The following KMT2D variants were observed in gnomAD, a reference collection of about 807,000 sequenced individuals.
KMT2D encodes lysine methyltransferase 2D.
In KMT2D, 55 loss-of-function variants were observed where a neutral mutation model predicts 512.7. The ratio of observed to expected loss-of-function variants is 0.11; its 90% CI spans 0.09 to 0.13. The LOEUF is 0.13. Ranked by LOEUF, KMT2D falls within the 10% of genes least tolerant of loss-of-function variation. The pLI is 1.00. For missense variants in KMT2D, 6,061 were observed against 7,127.9 expected, an observed-to-expected ratio of 0.85 and a Z score of 5.39; for synonymous variants, 2,995 against 2,904.0, an observed-to-expected ratio of 1.03 and a Z score of -1.01.
rs2120433347 is a variant in KMT2D, at chr12:49,032,655, G to A, written c.12050C>T (p.Pro4017Leu). 6.2e-7 allele frequency: 1 copy of A among 1,613,966 alleles called. No homozygotes were observed. Among genetic ancestry groups the A allele is most frequent in the Non-Finnish European group, 8.5e-7 (1 of 1,179,884 alleles). ...TTCCTTGCCCGTCAGGAGGAGGGTT[G>A]GACCCAGGGCTCCAGGGCTAGAAAA... ...QHFSSPGALG[P>L]TLLLTGKEQN... is the part of the protein sequence containing the mutation. The change falls in exon 40 of 55, where the codon CCA (proline) becomes CTA (leucine). Residue 4017 changes from proline (P) to leucine (L), a missense_variant. Pro to Leu is a moderately conservative substitution (Grantham distance 98). Around this residue, in one of 16 missense-constraint regions of KMT2D, gnomAD observed 1,600 missense variants for 1,754.9 expected, o/e 0.91. Transcript: ENST00000301067.
In KMT2D at chr12:49,058,664, A is replaced by T. The variant is rs571055915; in HGVS notation, c.-38+949T>A. Among the ~76,000 whole-genome samples the T allele has an allele frequency of 3.3e-4, 50 of 152,314 alleles. 1 individual carries two copies. In the South Asian group the frequency reaches 0.01, roughly 32 times the overall value. On this transcript the variant is annotated intron_variant, in intron 1 of 54. Transcript: ENST00000301067. ...ATCAAGCAATTTCTCCTCCAGAGAGACACAGGCCACCCCATTCTGCACAGT... is the reference window on the plus strand; with the variant it reads ...ATCAAGCAATTTCTCCTCCAGAGAGTCACAGGCCACCCCATTCTGCACAGT...
At chr12:49,047,456 A>AGGCTGGAG (rs1007688959) in intron 15 of KMT2D, among the ~76,000 whole-genome samples, 2 of 118,576 alleles carry the variant, frequency 1.7e-5, no homozygotes, top group African/African-American at 6.8e-5. Flanking sequence ...TCTGTTGCCC[A>AGGCTGGAG]GGCTGGAGTG....
Position 49,037,121 on chromosome 12 carries a change from T to A in KMT2D, c.10231+4A>T, listed in dbSNP as rs1386540222. 6.4e-7 allele frequency: 1 copy of A among 1,560,410 alleles called. No individual in the cohort carries two copies. The highest frequency in any genetic ancestry group is 1.2e-5 in the South Asian group (1 of 82,878). On this transcript the variant is annotated splice_donor_region_variant and intron_variant, in intron 35 of 54. Coordinates refer to ENST00000301067, the MANE Select transcript of KMT2D (RefSeq NM_003482.4). ...AACTTGGCTATGTTACCAGCTGAGG[T>A]TACCTGTATCTGGGAAGAAGCTGTT...
rs1263016051 is a variant in KMT2D, at chr12:49,026,228, G to A, written c.15738C>T (p.Ile5246=). 8 of 1,600,524 alleles carry A rather than the reference G, an allele frequency of 5.0e-6. No homozygotes were observed. Among genetic ancestry groups the A allele is most frequent in the East Asian group, 2.2e-5 (1 of 44,506 alleles). ...AGACCAGGTCCTCCAGGCCCTGCTCGATGACTTTGATTACAAACTCCGGCC... is the reference window on the plus strand; with the variant it reads ...AGACCAGGTCCTCCAGGCCCTGCTCAATGACTTTGATTACAAACTCCGGCC... ...NGRPEFVIKV[I]EQGLEDLVFT... The change falls in exon 49 of 55, where the codon ATC becomes ATT. Residue 5246 remains isoleucine, a synonymous_variant. Coordinates refer to ENST00000301067, the MANE Select transcript of KMT2D (RefSeq NM_003482.4). This position sits in a 1 kb window ranked among gnomAD's most constrained non-coding sequence, Gnocchi z 9.6.
Position 49,051,149 on chromosome 12 carries a change from C to T in KMT2D, c.2534G>A (p.Arg845Gln), listed in dbSNP as rs201392255. The part of the protein sequence containing the change: ...PQSEEPCLSP[R>Q]PEESHLSPEL... ...AGGGGACAGATGCGATTCCTCAGGC[C>T]GGGGGGACAGGCATGGCTCCTCAGA... Residue 845 changes from arginine (R) to glutamine (Q), a missense_variant, in exon 11 of 55, where the codon CGG becomes CAG. Physicochemically the swap from Arg to Gln is conservative, Grantham distance 43 (BLOSUM62 1). This residue lies in a region of KMT2D where 848 missense variants were observed against 838.5 expected (regional missense o/e 1.01). Transcript: ENST00000301067. 2.9e-5 allele frequency: 44 copies of T among 1,508,428 alleles called. No individual in the cohort carries two copies. The highest frequency in any genetic ancestry group is 4.6e-5 in the East Asian group (2 of 43,724). 93.4% of individuals were successfully genotyped at this position (1,508,428 alleles called of 1,614,324 possible).
rs1942213129 is a variant in KMT2D, at chr12:49,019,760, A to C, written c.*2020T>G. On this transcript the variant is annotated 3_prime_UTR_variant, in exon 55 of 55. Transcript: ENST00000301067. ...TGGGAGTGGGGGCTGTTATTCTCTT[A>C]AACATTTGCAGCTTGAAACAGTTGA... is the stretch of plus-strand genomic sequence containing the variant. 1 of 232,690 alleles carries C rather than the reference A, an allele frequency of 4.3e-6. No individual in the cohort carries two copies. The highest frequency in any genetic ancestry group is 8.5e-6 in the Non-Finnish European group (1 of 117,550). The allele number at this position is 232,690 out of a possible 1,614,324, so 14.4% of individuals were successfully genotyped here. A position where few individuals can be genotyped will look rare whatever the true frequency, so the allele number is the denominator to read the frequency against.
chr12:49,035,046 G>T, intron 35 of KMT2D, 111 bp from the exon 36 acceptor site: 1 of 1,347,874 alleles, frequency 7.4e-7, no homozygotes, highest in Non-Finnish European at 1.0e-6. Context: ...ACAATGGCAC[G>T]GCAAGGCAGA....
rs1943073751 is a variant in KMT2D, at chr12:49,033,759, C to A, written c.10946G>T (p.Gly3649Val). ...CAGGCGAAGACCTCCGGCTTGCCCA[C>A]CCGGAGGCCCCTGTGGTGGCTGCAG... ...HGLQPPQGPP[G>V]GQAGGLRLTP... is the part of the protein sequence containing the mutation. Residue 3649 changes from glycine (G) to valine (V), a missense_variant, in exon 40 of 55, where the codon GGT becomes GTT. Coordinates refer to ENST00000301067, the MANE Select transcript of KMT2D (RefSeq NM_003482.4). 1.1e-5 allele frequency: 18 copies of A among 1,611,742 alleles called. No homozygotes were observed. In the South Asian group the frequency reaches 1.7e-4, roughly 15 times the overall value.
chr12:49,045,820 C>T, intron 19 of KMT2D, 100 bp downstream of exon 19: 8 of 1,050,552 alleles, frequency 7.6e-6, no homozygotes, highest in Non-Finnish European at 1.2e-5. Context: ...TCTGAGTTTC[C>T]TCCTCTTAAA....
rs548054572 is a variant in KMT2D at position 49,046,802 on chromosome 12, G to T, written c.4237-12C>A. 2 of 1,608,040 alleles carry T rather than the reference G, an allele frequency of 1.2e-6. No individual in the cohort carries two copies. Among genetic ancestry groups the T allele is most frequent in the South Asian group, 2.2e-5 (2 of 90,634 alleles). ...ATCACCTTGGTGATCTGGGGCAGAA[G>T]ATGGGAACTTCTCAGGGTGTGAGGT... On this transcript the variant is annotated splice_polypyrimidine_tract_variant and intron_variant, in intron 15 of 54. Transcript: ENST00000301067. The surrounding 1 kb of genome is among the most constrained non-coding windows in gnomAD (Gnocchi z 4.2).
At position 49,026,445 on chromosome 12, in the gene KMT2D, C is replaced by T. The variant is rs1942593563; in HGVS notation, c.15521G>A (p.Arg5174Gln). The change falls in exon 49 of 55, where the codon CGG becomes CAG. Residue 5174 changes from arginine to glutamine, a missense_variant. Around this residue, in one of 16 missense-constraint regions of KMT2D, gnomAD observed 261 missense variants for 440.7 expected, o/e 0.59. Transcript: ENST00000301067. This position sits in a 1 kb window ranked among gnomAD's most constrained non-coding sequence, Gnocchi z 9.6. ...QIASIIQRGE[R>Q]LHMFRVGGLV... ...GCCCCCCACACGGAACATGTGCAGC[C>T]GTTCTCCCCGCTGAATGATGCTAGC... 2.5e-6 allele frequency: 4 copies of T among 1,613,988 alleles called. No homozygotes were observed. The highest frequency in any genetic ancestry group is 1.1e-5 in the South Asian group (1 of 91,088).
At chr12:49,028,240 C>T in intron 46 of KMT2D, 99 bp from the exon 47 acceptor site, 5 of 1,450,436 alleles carry the variant, frequency 3.4e-6, no homozygotes, top group African/African-American at 1.4e-5. Flanking sequence ...CTAGAACCCA[C>T]TCCCCAGGGT....
At position 49,046,288 on chromosome 12, in the gene KMT2D, G is replaced by A. The variant is rs2120603853; in HGVS notation, c.4555C>T (p.Leu1519=). The A allele has an allele frequency of 6.2e-7, 1 of 1,613,982 alleles. No homozygotes were observed. The highest frequency in any genetic ancestry group is 8.5e-7 in the Non-Finnish European group (1 of 1,179,882). ...TCACAGTGGCGGCACTGGATTAGTA[G>A]GTCCTCTTCTACGTAAGGAGCATGA... ...ICHAPYVEED[L]LIQCRHCERW... The change falls in exon 17 of 55, where the codon CTA becomes TTA. Residue 1519 remains leucine, a synonymous_variant. Transcript: ENST00000301067. The surrounding 1 kb of genome is among the most constrained non-coding windows in gnomAD (Gnocchi z 4.2).
rs751075517 is a variant in KMT2D at position 49,037,400 on chromosome 12, C to A, written c.9956G>T (p.Gly3319Val). Residue 3319 changes from glycine to valine, a missense_variant, in exon 35 of 55, where the codon GGT (glycine) becomes GTT (valine). Gly to Val is a moderately radical substitution (Grantham distance 109). Around this residue, in one of 16 missense-constraint regions of KMT2D, gnomAD observed 533 missense variants for 539.6 expected, o/e 0.99. Transcript: ENST00000301067. ...CTGGGGCAAACCTGGCTGTCGGGCACCTGCAAGACCCAGGGAAAGCTGCTG... is the reference window on the plus strand; with the variant it reads ...CTGGGGCAAACCTGGCTGTCGGGCAACTGCAAGACCCAGGGAAAGCTGCTG... Reference protein sequence around the residue: ...SQQQLSLGLAGARQPGLPQPL... With the variant: ...SQQQLSLGLAVARQPGLPQPL... The A allele has an allele frequency of 3.1e-6, 5 of 1,605,338 alleles. No homozygotes were observed. The highest frequency in any genetic ancestry group is 1.7e-5 in the Admixed American group (1 of 58,580).
At position 49,040,847 on chromosome 12, in the gene KMT2D, T is replaced by C. The variant is rs1197976316; in HGVS notation, c.6923A>G (p.Asp2308Gly). The change falls in exon 32 of 55, where the codon GAC becomes GGC. Residue 2308 changes from aspartate (D) to glycine (G), a missense_variant. This residue lies in a region of KMT2D where 710 missense variants were observed against 647.3 expected (regional missense o/e 1.10). Coordinates refer to ENST00000301067, the MANE Select transcript of KMT2D (RefSeq NM_003482.4). The part of the protein sequence containing the change: ...SYGPPNLGFV[D>G]SPSSGTHLGG... ...CAGGTGGGTGCCTGAGGAGGGTGAG[T>C]CAACAAAGCCCAGGTTTGGGGGCCC... 1.2e-6 allele frequency: 2 copies of C among 1,613,244 alleles called. No individual in the cohort carries two copies. Among genetic ancestry groups the C allele is most frequent in the Non-Finnish European group, 8.5e-7 (1 of 1,179,610 alleles).
rs375843343 is a variant in KMT2D at position 49,037,250 on chromosome 12, G to T, written c.10106C>A (p.Pro3369His). The change falls in exon 35 of 55, where the codon CCC becomes CAC. Residue 3369 changes from proline to histidine, a missense_variant. By Grantham distance (77) the Pro-to-His change is moderately conservative. This residue lies in a region of KMT2D where 533 missense variants were observed against 539.6 expected (regional missense o/e 0.99). Transcript: ENST00000301067. ...GQHGGQAGLVPQQSSQPVLSQ... is the reference protein window; with the variant it reads ...GQHGGQAGLVHQQSSQPVLSQ... ...TAGCACTGGCTGTGAGCTCTGCTGGGGTACCAAGCCTGCCTGCCCTCCATG... is the reference window on the plus strand; with the variant it reads ...TAGCACTGGCTGTGAGCTCTGCTGGTGTACCAAGCCTGCCTGCCCTCCATG... 8 of 1,613,548 alleles carry T rather than the reference G, an allele frequency of 5.0e-6. No homozygotes were observed. The highest frequency in any genetic ancestry group is 6.8e-6 in the Non-Finnish European group (8 of 1,179,846).
rs970061739 is a variant in KMT2D, at chr12:49,038,051, G to C, written c.9305C>G (p.Pro3102Arg). 2 of 1,612,298 alleles carry C rather than the reference G, an allele frequency of 1.2e-6. No homozygotes were observed. Among genetic ancestry groups the C allele is most frequent in the Non-Finnish European group, 8.5e-7 (1 of 1,179,362 alleles). The change falls in exon 35 of 55, where the codon CCT becomes CGT. Residue 3102 changes from proline to arginine, a missense_variant. By Grantham distance (103) the Pro-to-Arg change is moderately radical. Around this residue, in one of 16 missense-constraint regions of KMT2D, gnomAD observed 533 missense variants for 539.6 expected, o/e 0.99. Coordinates refer to ENST00000301067, the MANE Select transcript of KMT2D (RefSeq NM_003482.4). The surrounding 1 kb of genome is among the most constrained non-coding windows in gnomAD (Gnocchi z 5.7). ...GCGGGGTTCAGAGGCATCAGCAGCAGGGGGAGGGCGCTCCTCAGGGCCCAA... is the reference window on the plus strand; with the variant it reads ...GCGGGGTTCAGAGGCATCAGCAGCACGGGGAGGGCGCTCCTCAGGGCCCAA... ...GPLGPEERPPPAADASEPRLA... is the reference protein window; with the variant it reads ...GPLGPEERPPRAADASEPRLA...
rs529656123 is a variant in KMT2D at position 49,027,219 on chromosome 12, G to A, written c.14747C>T (p.Pro4916Leu). ...AGAAGGTGCCAAGGGGGAAGGGGGC[G>A]GGGAGGGTTCTTCAGGAGGTGGGGC... ...LSAPPPEEPS[P>L]PPSPLAPSPA... Residue 4916 changes from proline to leucine, a missense_variant, in exon 49 of 55, where the codon CCG becomes CTG. Physicochemically the swap from Pro to Leu is moderately conservative, Grantham distance 98. Transcript: ENST00000301067. The A allele has an allele frequency of 1.7e-5, 26 of 1,546,304 alleles. No homozygotes were observed. In the East Asian group the frequency reaches 2.5e-4, roughly 15 times the overall value.
chr12:49,043,507 A>C, intron 24 of KMT2D, 79 bp from the exon 25 acceptor site: 2 of 1,591,786 alleles, frequency 1.3e-6, no homozygotes, highest in South Asian at 2.2e-5. Context: ...CCACAGCCCT[A>C]CAGGCCAGGA....
Sources: allele counts gnomAD v4.1 joint callset (sites outside exome capture counted in the v4.1 genomes callset), GRCh38; gene constraint gnomAD v4.1.1; regional missense constraint gnomAD v4.1.1; non-coding constraint Gnocchi (gnomAD v3.1); transcripts MANE v1.5; gene names NCBI Gene and HGNC (gene_info 2026-07-23, HGNC 2026-07-21).